DPY19L4: variants seen among roughly 807,000 people sequenced by gnomAD.
The protein encoded by DPY19L4 is dpy-19 like 4, also known as probable C-mannosyltransferase DPY19L4.
A neutral mutation model predicts 102.8 loss-of-function variants in DPY19L4; 97 were observed. The ratio of observed to expected loss-of-function variants is 0.94; its 90% CI spans 0.80 to 1.12. DPY19L4 has a LOEUF of 1.12. Among genes scored for constraint, DPY19L4 ranks in the 50% most tolerant of loss-of-function variants. DPY19L4 has a pLI of 0.00. For missense variants in DPY19L4, 815 were observed against 850.4 expected (o/e 0.96, Z 0.52); for synonymous variants, 252 against 283.1 (o/e 0.89, Z 1.10).
At chr8:94,745,581 A>G (rs1273131841) in intron 6 of DPY19L4, among the ~76,000 whole-genome samples, 1 of 152,190 alleles carries the variant, frequency 6.6e-6, no homozygotes, top group East Asian at 1.9e-4. Context: ...AATGGAACAC[A>G]TGATACTGAT....
intron 7 of DPY19L4, among the ~76,000 whole-genome samples, chr8:94,759,299 CT>C (rs1014730180): frequency 1.3e-5 from 2 of 152,032 alleles, no homozygotes; most frequent in African/African-American, 4.8e-5. Context: ...TGATTGGCTA[CT>C]TTTAGGATCC....
At chr8:94,769,498 C>T (rs549555958) in intron 12 of DPY19L4, among the ~76,000 whole-genome samples, 7 of 152,086 alleles carry the variant, frequency 4.6e-5, no homozygotes, top group African/African-American at 4.8e-5. Flanking sequence ...TTTTACTTAA[C>T]GTAAGAATAA....
In DPY19L4 at chr8:94,739,768, G is replaced by A. The variant is rs1378753641; in HGVS notation, c.589G>A (p.Val197Ile). 5 of 1,612,286 alleles carry A rather than the reference G, an allele frequency of 3.1e-6. No homozygotes were observed. Among genetic ancestry groups the A allele is most frequent in the Non-Finnish European group, 4.2e-6 (5 of 1,180,026 alleles). ...AACATGGCTAGCAGGAATGCTTACT[G>A]TTGCGTGGTTCGTTATTAACAGGTA... ...SGTWLAGMLT[V>I]AWFVINRVDT... The change falls in exon 6 of 19, where the codon GTT (valine) becomes ATT (isoleucine). Residue 197 changes from valine (V) to isoleucine (I), a missense_variant. Val to Ile is a conservative substitution (Grantham distance 29). Transcript: ENST00000414645.
intron 6 of DPY19L4, among the ~76,000 whole-genome samples, chr8:94,754,516 T>C (rs1465298220): frequency 6.6e-6 from 1 of 152,214 alleles, no homozygotes; most frequent in Admixed American, 6.5e-5. Flanking sequence ...CAGGAGTGTA[T>C]TACTTGGCCT....
rs761141382 is a variant in DPY19L4 at position 94,768,522 on chromosome 8, T to G, written c.1303T>G (p.Ser435Ala). 1 of 1,558,016 alleles carries G rather than the reference T, an allele frequency of 6.4e-7. No homozygotes were observed. Among genetic ancestry groups the G allele is most frequent in the Non-Finnish European group, 8.8e-7 (1 of 1,140,364 alleles). Residue 435 changes from serine to alanine, a missense_variant, in exon 12 of 19, where the codon TCT becomes GCT. Physicochemically the swap from Ser to Ala is moderately conservative, Grantham distance 99. Coordinates refer to ENST00000414645, the MANE Select transcript of DPY19L4 (RefSeq NM_181787.3). ...TCTAGTGTTAATTATTTGTTTTCTT[T>G]CTATGTTGCAAGTTATTTTTAGGAG... Reference protein sequence around the residue: ...YILVLIICFLSMLQVIFRRIN... With the variant: ...YILVLIICFLAMLQVIFRRIN...
chr8:94,777,273 C>T (rs10217037), intron 13 of DPY19L4, among the ~76,000 whole-genome samples: 1 of 151,854 alleles, frequency 6.6e-6, no homozygotes, highest in Non-Finnish European at 1.5e-5. Context: ...CACTGTGTTG[C>T]CCAGGCTGGT....
chr8:94,751,263 C>T (rs13279344), intron 6 of DPY19L4, among the ~76,000 whole-genome samples: 22,424 of 150,844 alleles, frequency 0.15, 2,202 homozygotes, highest in Non-Finnish European at 0.22. Context: ...GGACTACAGG[C>T]GCCCGCCACC....
intron 13 of DPY19L4, among the ~76,000 whole-genome samples, chr8:94,771,351 TTTAC>T (rs1234270630): frequency 6.6e-6 from 1 of 152,220 alleles, no homozygotes; most frequent in African/African-American, 2.4e-5. Flanking sequence ...TGAACTGACA[TTTAC>T]TTATTCATTC....
At chr8:94,773,767 G>A (rs769817946) in intron 13 of DPY19L4, among the ~76,000 whole-genome samples, 1 of 151,244 alleles carries the variant, frequency 6.6e-6, no homozygotes, top group Non-Finnish European at 1.5e-5. Flanking sequence ...TGGGTGTGGC[G>A]GCTTACGCCT....
intron 1 of DPY19L4, among the ~76,000 whole-genome samples, chr8:94,721,348 C>T (rs1306846785): frequency 6.6e-6 from 1 of 152,214 alleles, no homozygotes; most frequent in Admixed American, 6.5e-5. Flanking sequence ...TGATGTGTGA[C>T]TTGCTGACCT....
chr8:94,788,551 T>C (rs1214727237), intron 18 of DPY19L4, among the ~76,000 whole-genome samples: 1 of 152,230 alleles, frequency 6.6e-6, no homozygotes, highest in Admixed American at 6.5e-5. Context: ...ATGTTAGTTG[T>C]TAGGACTTGG....
chr8:94,732,473 G>A (rs1272050500), intron 2 of DPY19L4, among the ~76,000 whole-genome samples: 1 of 152,112 alleles, frequency 6.6e-6, no homozygotes, highest in Non-Finnish European at 1.5e-5. Flanking sequence ...GGAAGGATCT[G>A]TTGAGACCAG....
chr8:94,750,593 C>T (rs976887613), intron 6 of DPY19L4, among the ~76,000 whole-genome samples: 1 of 151,686 alleles, frequency 6.6e-6, no homozygotes, highest in Non-Finnish European at 1.5e-5. Flanking sequence ...ATATGCAAAC[C>T]TATCTTCTAT....
intron 6 of DPY19L4, among the ~76,000 whole-genome samples, chr8:94,741,537 A>G (rs1189256631): frequency 6.6e-6 from 1 of 152,222 alleles, no homozygotes; most frequent in Non-Finnish European, 1.5e-5. Context: ...CAATTTCTAA[A>G]TAAGAGATTA....
In DPY19L4 at chr8:94,739,865, C is replaced by CA. The variant is rs1811366895; in HGVS notation, c.611+75_611+76insA. On this transcript the variant is annotated intron_variant, in intron 6 of 18. Transcript: ENST00000414645. ...AGTCAGAGTTCTGAAAATGCCTCCC[C>CA]TCCCCAACAGTCCTCACTCTAATCC... 5.3e-6 allele frequency: 8 copies of CA among 1,518,948 alleles called. No individual in the cohort carries two copies. In the African/African-American group the frequency reaches 1.0e-4, roughly 20 times the overall value. 94.1% of individuals were successfully genotyped at this position (1,518,948 alleles called of 1,614,324 possible).
chr8:94,726,439 A>T lies in DPY19L4; in HGVS notation c.125A>T (p.Lys42Ile). The change falls in exon 2 of 19, where the codon AAA becomes ATA. Residue 42 changes from lysine to isoleucine, a missense_variant and splice_region_variant. Coordinates refer to ENST00000414645, the MANE Select transcript of DPY19L4 (RefSeq NM_181787.3). ...ATTCCAATTCCTGAAAGAGCTCCAA[A>T]ACGTAAGTTAGATAGACTTGGAATT... Reference protein sequence around the residue: ...SDIPIPERAPKHVLFQRFAKI... With the variant: ...SDIPIPERAPIHVLFQRFAKI... The T allele has an allele frequency of 6.2e-7, 1 of 1,603,904 alleles. No homozygotes were observed. The highest frequency in any genetic ancestry group is 8.5e-7 in the Non-Finnish European group (1 of 1,177,050).
chr8:94,778,355 T>A (rs1393117865), intron 14 of DPY19L4, among the ~76,000 whole-genome samples: 2 of 152,234 alleles, frequency 1.3e-5, no homozygotes, highest in Admixed American at 6.5e-5. Context: ...ATTTTTATGA[T>A]ATCTTTCTTG....
At chr8:94,759,966 A>G (rs1390753864) in intron 7 of DPY19L4, among the ~76,000 whole-genome samples, 1 of 152,180 alleles carries the variant, frequency 6.6e-6, no homozygotes, top group Non-Finnish European at 1.5e-5. Flanking sequence ...AGCCTGTTTG[A>G]TGTATCACAT....
At chr8:94,738,211 G>A (rs1314060190) in intron 3 of DPY19L4, among the ~76,000 whole-genome samples, 158 bp from the exon 4 acceptor site, 3 of 151,366 alleles carry the variant, frequency 2.0e-5, no homozygotes, top group African/African-American at 4.9e-5. Context: ...CCAGCTACTC[G>A]GGAGGCTGAG....
Sources: allele counts gnomAD v4.1 joint callset (sites outside exome capture counted in the v4.1 genomes callset), GRCh38; gene constraint gnomAD v4.1.1; transcripts MANE v1.5; gene names NCBI Gene and HGNC (gene_info 2026-07-23, HGNC 2026-07-21).